ZC4H2: variants seen among roughly 807,000 people sequenced by gnomAD.
The protein encoded by ZC4H2 is zinc finger C4H2-type containing, also known as zinc finger C4H2 domain-containing protein.
For missense variants in ZC4H2, 137 were observed against 173.9 expected, an observed-to-expected ratio of 0.79 and a Z score of 1.19; for synonymous variants, 84 against 66.3, an observed-to-expected ratio of 1.27 and a Z score of -1.30.
intron 1 of ZC4H2, among the ~76,000 whole-genome samples, chrX:64,933,479 A>T (rs1372624627): frequency 1.8e-5 from 2 of 111,624 alleles, no homozygotes; most frequent in African/African-American, 6.5e-5. Context: ...TCATTTGGGT[A>T]GACTAATCAA....
intron 1 of ZC4H2, among the ~76,000 whole-genome samples, chrX:64,991,857 G>A (rs946974294): frequency 9.8e-5 from 11 of 112,199 alleles, no homozygotes; most frequent in African/African-American, 3.6e-4. Flanking sequence ...AACAAATGAA[G>A]TATTGATCAC....
chrX:64,979,146 A>G (rs1418426826), upstream of ZC4H2, among the ~76,000 whole-genome samples: 1 of 112,062 alleles, frequency 8.9e-6, no homozygotes, highest in Non-Finnish European at 1.9e-5. Context: ...GACTTGTCTG[A>G]CATCACCCTA....
At chrX:64,933,880 C>G (rs1181716805) in intron 1 of ZC4H2, among the ~76,000 whole-genome samples, 2 of 111,943 alleles carry the variant, frequency 1.8e-5, no homozygotes, top group African/African-American at 6.5e-5. Context: ...CCAGTTGTAG[C>G]TAAGGCAGGT....
chrX:64,952,909 T>C (rs796605640), intron 1 of ZC4H2, among the ~76,000 whole-genome samples: 1 of 111,550 alleles, frequency 9.0e-6, no homozygotes, highest in South Asian at 3.8e-4. Flanking sequence ...TCACGCTACC[T>C]GACTTCAAAC....
chrX:65,018,867 G>C (rs1161354032), intron 1 of ZC4H2, among the ~76,000 whole-genome samples: 4 of 111,647 alleles, frequency 3.6e-5, no homozygotes, highest in Non-Finnish European at 7.5e-5. Context: ...GTCTGCCATT[G>C]CTGAGGCTTG....
At chrX:64,936,655 T>A (rs772939224) in intron 1 of ZC4H2, among the ~76,000 whole-genome samples, 1 of 110,779 alleles carries the variant, frequency 9.0e-6, no homozygotes, top group African/African-American at 3.3e-5. Flanking sequence ...AACCCAGAAT[T>A]TCATATCCAC....
At chrX:65,020,013 G>T (rs763396635) in intron 1 of ZC4H2, among the ~76,000 whole-genome samples, 1 of 111,620 alleles carries the variant, frequency 9.0e-6, no homozygotes, top group Admixed American at 9.5e-5. Flanking sequence ...AATGAACAAA[G>T]CCTCCAAGAA....
At chrX:64,985,508 G>T (rs1046315434) in intron 1 of ZC4H2, among the ~76,000 whole-genome samples, 4 of 111,255 alleles carry the variant, frequency 3.6e-5, no homozygotes, top group Non-Finnish European at 7.5e-5. Context: ...CATGTCCTTT[G>T]CCTGCTGTCC....
In ZC4H2 at chrX:64,917,584, C is replaced by A; in HGVS notation, c.*199G>T. 3.8e-6 allele frequency: 2 copies of A among 525,857 alleles called. No individual in the cohort carries two copies. The highest frequency in any genetic ancestry group is 5.9e-6 in the Non-Finnish European group (2 of 338,816). 43.3% of individuals were successfully genotyped at this position (525,857 alleles called of 1,213,427 possible). On this transcript the variant is annotated 3_prime_UTR_variant, in exon 5 of 5. Transcript: ENST00000374839. ...GATCATCAGACACACTGTTTAGCAC[C>A]TGAACCACATCTCTTCCTAAACCAG... is the stretch of plus-strand genomic sequence containing the variant.
chrX:64,998,367 T>C (rs1283838552), intron 1 of ZC4H2, among the ~76,000 whole-genome samples: 1 of 111,913 alleles, frequency 8.9e-6, no homozygotes, highest in Non-Finnish European at 1.9e-5. Flanking sequence ...GGTGTGGCTA[T>C]ACTAATGTCA....
At chrX:64,929,968 C>A (rs1266364363) in intron 1 of ZC4H2, among the ~76,000 whole-genome samples, 1 of 111,360 alleles carries the variant, frequency 9.0e-6, no homozygotes, top group Non-Finnish European at 1.9e-5. Flanking sequence ...GCAGTATGGT[C>A]ATTTTCATAC....
intron 1 of ZC4H2, among the ~76,000 whole-genome samples, chrX:65,023,512 A>G (rs1484536994): frequency 8.9e-6 from 1 of 112,058 alleles, no homozygotes; most frequent in Non-Finnish European, 1.9e-5. Flanking sequence ...AAAAAAGCTC[A>G]TCATCACTGG....
rs1297179480 is a variant in ZC4H2, at chrX:64,922,298, AAAAG to A, written c.54-314_54-311del. On this transcript the variant is annotated intron_variant, in intron 1 of 4. Coordinates refer to ENST00000374839, the MANE Select transcript of ZC4H2 (RefSeq NM_018684.4). The stretch of plus-strand genomic sequence containing the variant: ...GAAAAAAAAAAGAAAAAGAAAAAGA[AAAAG>A]AAAGAAAGAAAGAAAGAATTAGCCA... The A allele has an allele frequency of 9.1e-5, 22 of 242,236 alleles. No homozygotes were observed. The Admixed American group carries it at 9.2e-4, about 10-fold the overall frequency. 20.0% of individuals were successfully genotyped at this position (242,236 alleles called of 1,213,427 possible).
intron 1 of ZC4H2, among the ~76,000 whole-genome samples, chrX:64,959,236 G>T (rs752280158): frequency 1.9e-5 from 2 of 108,058 alleles, no homozygotes; most frequent in African/African-American, 3.4e-5. Context: ...AATAGCCTAG[G>T]TCCCCAATAT....
At chrX:64,934,338 T>C (rs73512545) in intron 1 of ZC4H2, among the ~76,000 whole-genome samples, 7,633 of 112,306 alleles carry the variant, frequency 0.068, 696 homozygotes, top group African/African-American at 0.24. Flanking sequence ...CAAATTCAAT[T>C]TCCTAAATAG....
At chrX:64,972,247 T>C (rs919343931) in intron 1 of ZC4H2, among the ~76,000 whole-genome samples, 1 of 111,309 alleles carries the variant, frequency 9.0e-6, no homozygotes, top group Non-Finnish European at 1.9e-5. Flanking sequence ...AGGCGTGTGT[T>C]CAGAGTTAGA....
At chrX:64,933,406 C>A (rs368386157) in intron 1 of ZC4H2, among the ~76,000 whole-genome samples, 33 of 111,856 alleles carry the variant, frequency 3.0e-4, no homozygotes, top group African/African-American at 1.1e-3. Context: ...CTAGTAGGAT[C>A]TTTTCAGGAT....
rs1012581887 is a variant in ZC4H2 at position 64,918,884 on chromosome X, C to A, written c.561+158G>T. ...CAAAACCTGTGCTGTGTGTGTCCAA[C>A]ACAGCACACCCATGTCACCCCTTCC... On this transcript the variant is annotated intron_variant, in intron 4 of 4. Coordinates refer to ENST00000374839, the MANE Select transcript of ZC4H2 (RefSeq NM_018684.4). 5.4e-5 allele frequency: 34 copies of A among 633,822 alleles called. 1 individual carries two copies. Among genetic ancestry groups the A allele is most frequent in the Non-Finnish European group, 7.2e-5 (32 of 443,475 alleles). The allele number at this position is 633,822 out of a possible 1,213,427, so 52.2% of individuals were successfully genotyped here.
chrX:64,919,170 C>T lies in ZC4H2; in HGVS notation c.433G>A (p.Glu145Lys). 2 of 1,211,309 alleles carry T rather than the reference C, an allele frequency of 1.7e-6. No homozygotes were observed. Among genetic ancestry groups the T allele is most frequent in the Non-Finnish European group, 2.2e-6 (2 of 895,284 alleles). Residue 145 changes from glutamate (E) to lysine (K), a missense_variant, in exon 4 of 5, where the codon GAA becomes AAA. Coordinates refer to ENST00000374839, the MANE Select transcript of ZC4H2 (RefSeq NM_018684.4). Reference sequence around the variant, plus strand: ...TCAGGGATGGGGGGCTCCTGAGGTTCTGTCTGCCATTCTGCTTTCTGCTTC... The same window carrying T: ...TCAGGGATGGGGGGCTCCTGAGGTTTTGTCTGCCATTCTGCTTTCTGCTTC... ...FEKQKAEWQT[E>K]PQEPPIPESL...
Sources: gnomAD v4.1 joint callset for allele counts (sites outside exome capture counted in the v4.1 genomes callset) on GRCh38, gnomAD v4.1.1 for gene constraint, MANE v1.5 for transcripts, NCBI Gene and HGNC (gene_info 2026-07-23, HGNC 2026-07-21) for gene names.